Variants in WDFY4 observed in about 807,000 individuals in gnomAD.
The protein encoded by WDFY4 is WDFY family member 4.
A neutral mutation model predicts 351.9 loss-of-function variants in WDFY4; 169 were observed. The observed-to-expected ratio is 0.48, with a 90% CI of 0.42 to 0.55. WDFY4 has a LOEUF of 0.55. WDFY4 is among the 20% of genes least tolerant of loss of function. WDFY4 has a pLI of 0.00. For missense variants in WDFY4, 3,803 were observed against 3,935.6 expected, an observed-to-expected ratio of 0.97 and a Z score of 0.90; for synonymous variants, 1,622 against 1,574.6, an observed-to-expected ratio of 1.03 and a Z score of -0.71.
chr10:48,748,409 C>G (rs551086910), intron 12 of WDFY4, among the ~76,000 whole-genome samples: 1 of 152,230 alleles, frequency 6.6e-6, no homozygotes, highest in Non-Finnish European at 1.5e-5. Flanking sequence ...AATTTGAACC[C>G]AGGGCTACCT....
chr10:48,914,942 A>G (rs1439807920), intron 47 of WDFY4, among the ~76,000 whole-genome samples: 1 of 152,130 alleles, frequency 6.6e-6, no homozygotes, highest in Non-Finnish European at 1.5e-5. Flanking sequence ...CTCATCCTTC[A>G]CACTGGACTT....
intron 19 of WDFY4, among the ~76,000 whole-genome samples, chr10:48,784,879 A>G (rs1474834327): frequency 2.9e-5 from 3 of 102,978 alleles, no homozygotes; most frequent in Non-Finnish European, 5.5e-5. Flanking sequence ...TTTGAGACGG[A>G]GTAGTCTCGC....
intron 17 of WDFY4, among the ~76,000 whole-genome samples, chr10:48,777,799 G>T (rs1180975627): frequency 6.6e-6 from 1 of 152,234 alleles, no homozygotes; most frequent in Non-Finnish European, 1.5e-5. Context: ...AGTATCTGCA[G>T]ATGAGTTGTT....
At chr10:48,977,575 T>G (rs1357845670) in intron 59 of WDFY4, among the ~76,000 whole-genome samples, 1 of 152,230 alleles carries the variant, frequency 6.6e-6, no homozygotes, top group Non-Finnish European at 1.5e-5. Flanking sequence ...CAGGGCATCC[T>G]GGGATGGCCT....
chr10:48,687,240 A>G (rs990422037), intron 1 of WDFY4, among the ~76,000 whole-genome samples: 6 of 152,102 alleles, frequency 3.9e-5, no homozygotes, highest in Non-Finnish European at 8.8e-5. Context: ...AATTCAATAC[A>G]TATTCTGGGT....
At chr10:48,693,523 G>A (rs934328685) in intron 1 of WDFY4, among the ~76,000 whole-genome samples, 14 of 152,192 alleles carry the variant, frequency 9.2e-5, no homozygotes, top group African/African-American at 3.4e-4. Flanking sequence ...ACATTAAGAG[G>A]TCTGCCAGCT....
intron 60 of WDFY4, among the ~76,000 whole-genome samples, chr10:48,980,601 T>C (rs1047238710): frequency 9.2e-5 from 14 of 152,214 alleles, no homozygotes; most frequent in Non-Finnish European, 1.8e-4. Flanking sequence ...GAGAAGCTTG[T>C]TGTTTAGACT....
intron 27 of WDFY4, among the ~76,000 whole-genome samples, chr10:48,806,456 G>T (rs2067259408): frequency 6.6e-6 from 1 of 152,150 alleles, no homozygotes; most frequent in Non-Finnish European, 1.5e-5. Flanking sequence ...GCAGGCCCCT[G>T]CAGGTGATGG....
chr10:48,834,031 G>A (rs554843317), intron 39 of WDFY4, among the ~76,000 whole-genome samples: 2 of 152,346 alleles, frequency 1.3e-5, no homozygotes, highest in East Asian at 1.9e-4. Context: ...ACATAGAAGG[G>A]AAGTCCAGAA....
At chr10:48,749,718 G>A (rs556940832) in intron 12 of WDFY4, among the ~76,000 whole-genome samples, 53 of 152,282 alleles carry the variant, frequency 3.5e-4, no homozygotes, top group African/African-American at 1.2e-3. Context: ...GTGGAGCTAG[G>A]GTGGTCTCTG....
intron 39 of WDFY4, among the ~76,000 whole-genome samples, chr10:48,842,863 C>G (rs1009196796): frequency 2.6e-5 from 4 of 152,226 alleles, no homozygotes; most frequent in Non-Finnish European, 5.9e-5. Flanking sequence ...AAGGAGGAGT[C>G]TGTCTCTCTA....
chr10:48,852,004 C>A (rs1207638401), intron 39 of WDFY4, among the ~76,000 whole-genome samples: 1 of 152,250 alleles, frequency 6.6e-6, no homozygotes, highest in African/African-American at 2.4e-5. Flanking sequence ...AATGTGCTGG[C>A]AGTTGCTAAG....
intron 39 of WDFY4, among the ~76,000 whole-genome samples, chr10:48,866,260 A>G (rs2069538472): frequency 6.6e-6 from 1 of 152,044 alleles, no homozygotes; most frequent in East Asian, 1.9e-4. Flanking sequence ...CTTTAGTTAT[A>G]GCCTACGTGT....
chr10:48,967,633 C>T (rs1256040948), intron 55 of WDFY4: 1 of 149,220 alleles, frequency 6.7e-6, no homozygotes, highest in Non-Finnish European at 1.5e-5. Context: ...GGTGGTTCCA[C>T]TGGGGTGGGG....
intron 33 of WDFY4, among the ~76,000 whole-genome samples, chr10:48,820,741 T>A (rs996388353): frequency 6.6e-6 from 1 of 151,912 alleles, no homozygotes; most frequent in Non-Finnish European, 1.5e-5. Flanking sequence ...AGCCCAGAGG[T>A]GGTCCCAGCT....
intron 26 of WDFY4, 35 bp downstream of exon 26, chr10:48,805,456 G>A: frequency 6.5e-7 from 1 of 1,539,702 alleles, no homozygotes; most frequent in Non-Finnish European, 8.7e-7. Context: ...GAAGAGCAGG[G>A]CCCCAGGGCT....
intron 1 of WDFY4, among the ~76,000 whole-genome samples, chr10:48,686,477 C>T (rs1343946719): frequency 6.6e-6 from 1 of 152,152 alleles, no homozygotes; most frequent in Admixed American, 6.5e-5. Flanking sequence ...TTCACCTTCC[C>T]TCTTCAGAAG....
At chr10:48,743,600 C>T (rs955497808) in intron 12 of WDFY4, 52 bp downstream of exon 12, 1 of 1,490,936 alleles carries the variant, frequency 6.7e-7, no homozygotes, top group Non-Finnish European at 8.9e-7. Flanking sequence ...CCCATTCTCA[C>T]TCTAACGTCT....
chr10:48,970,390 G>A (rs978795812), intron 57 of WDFY4, 101 bp downstream of exon 57: 23 of 1,450,380 alleles, frequency 1.6e-5, no homozygotes, highest in South Asian at 5.5e-5. Context: ...GTGTGGTGCC[G>A]GAACACACCC....
Sources: allele counts gnomAD v4.1 joint callset (sites outside exome capture counted in the v4.1 genomes callset), GRCh38; gene constraint gnomAD v4.1.1; transcripts MANE v1.5; gene names NCBI Gene and HGNC (gene_info 2026-07-23, HGNC 2026-07-21).